The following TCAIM variants were observed in gnomAD, a reference collection of about 807,000 sequenced individuals.
TCAIM encodes T-cell activation inhibitor, mitochondrial.
In TCAIM, 36 loss-of-function variants were observed where a neutral mutation model predicts 58.6. That is an observed-to-expected ratio of 0.61 (90% CI 0.47 to 0.81). The LOEUF (loss-of-function observed/expected upper bound fraction) is 0.81. TCAIM is among the 30% of genes least tolerant of loss of function. The pLI, the probability that TCAIM is intolerant of heterozygous loss-of-function variation, is 0.00. For missense variants in TCAIM, 466 were observed against 579.6 expected (o/e 0.80, Z 2.01); for synonymous variants, 172 against 193.6 (o/e 0.89, Z 0.93).
At chr3:44,353,655 A>C (rs2125630262) in intron 1 of TCAIM, among the ~76,000 whole-genome samples, 1 of 152,206 alleles carries the variant, frequency 6.6e-6, no homozygotes, top group East Asian at 1.9e-4. Flanking sequence ...CACTTATTTT[A>C]ATTTGCAGTT....
At chr3:44,394,357 C>T (rs1701888079) in intron 6 of TCAIM, among the ~76,000 whole-genome samples, 1 of 152,042 alleles carries the variant, frequency 6.6e-6, no homozygotes, top group Non-Finnish European at 1.5e-5. Flanking sequence ...GGGGTTTCTT[C>T]CCATTCCATA....
At chr3:44,390,743 G>A (rs966494114) in intron 5 of TCAIM, among the ~76,000 whole-genome samples, 2 of 152,218 alleles carry the variant, frequency 1.3e-5, no homozygotes, top group African/African-American at 4.8e-5. Flanking sequence ...GGTCGAGGCA[G>A]GAGGATCACT....
intron 1 of TCAIM, among the ~76,000 whole-genome samples, chr3:44,345,317 T>C (rs1700944261): frequency 6.6e-6 from 1 of 151,712 alleles, no homozygotes; most frequent in African/African-American, 2.4e-5. Context: ...AGACGCAAGG[T>C]CCAAATAAGA....
intron 4 of TCAIM, among the ~76,000 whole-genome samples, chr3:44,364,302 A>C (rs577242080): frequency 6.6e-6 from 1 of 152,282 alleles, no homozygotes; most frequent in South Asian, 2.1e-4. Flanking sequence ...GAAAAGATAT[A>C]GCATATATGA....
intron 10 of TCAIM, among the ~76,000 whole-genome samples, chr3:44,405,396 G>A (rs1257801663): frequency 1.3e-5 from 2 of 152,180 alleles, no homozygotes; most frequent in African/African-American, 4.8e-5. Flanking sequence ...CTAAAGGGTG[G>A]GCATGGTGGC....
intron 3 of TCAIM, 148 bp from the exon 4 acceptor site, chr3:44,361,217 A>G (rs1321384379): frequency 1.6e-6 from 1 of 636,254 alleles, no homozygotes; most frequent in Non-Finnish European, 2.4e-6. Context: ...ATCCAATTTT[A>G]TCTTTTACCA....
chr3:44,339,250 C>T (rs1435188093), intron 1 of TCAIM, among the ~76,000 whole-genome samples: 1 of 152,146 alleles, frequency 6.6e-6, no homozygotes, highest in Non-Finnish European at 1.5e-5. Flanking sequence ...GCTTTTGTCC[C>T]TCCTTGATAT....
At chr3:44,358,250 G>T in intron 3 of TCAIM, 1 of 1,453,740 alleles carries the variant, frequency 6.9e-7, no homozygotes, top group Non-Finnish European at 9.5e-7. Flanking sequence ...ATGCCCTAGT[G>T]ATTTTTCCTT....
chr3:44,348,723 A>G (rs1381123312), intron 1 of TCAIM, among the ~76,000 whole-genome samples: 1 of 152,202 alleles, frequency 6.6e-6, no homozygotes, highest in Non-Finnish European at 1.5e-5. Flanking sequence ...TGGGTAATAA[A>G]ATGCATATTG....
chr3:44,354,330 T>C (rs918609437), intron 1 of TCAIM, among the ~76,000 whole-genome samples: 5 of 152,232 alleles, frequency 3.3e-5, no homozygotes, highest in Non-Finnish European at 5.9e-5. Context: ...GAGTGAGTCT[T>C]GAAATAAAGT....
In TCAIM at chr3:44,401,339, GT is replaced by G; in HGVS notation, c.1250+6del. ...GAACATGAAAAGAAAGGAAGAGTAA[GT>G]ACTGCCAGTCTTCTGTAAAGTCAGA... is the stretch of plus-strand genomic sequence containing the variant. On this transcript the variant is annotated splice_donor_region_variant and intron_variant, in intron 10 of 10. Coordinates refer to ENST00000342649, the MANE Select transcript of TCAIM (RefSeq NM_173826.4). 1 of 1,613,536 alleles carries G rather than the reference GT, an allele frequency of 6.2e-7. No homozygotes were observed. The highest frequency in any genetic ancestry group is 8.5e-7 in the Non-Finnish European group (1 of 1,179,824).
chr3:44,349,259 C>T (rs1321374548), intron 1 of TCAIM, among the ~76,000 whole-genome samples: 1 of 152,186 alleles, frequency 6.6e-6, no homozygotes, highest in Non-Finnish European at 1.5e-5. Context: ...GCCTGGACAT[C>T]AGACATCTCA....
chr3:44,366,746 A>G (rs1026777485), intron 4 of TCAIM, among the ~76,000 whole-genome samples: 3 of 151,258 alleles, frequency 2.0e-5, no homozygotes, highest in African/African-American at 4.9e-5. Context: ...GATTACAGGC[A>G]TGAGCCACCG....
At chr3:44,356,296 G>A (rs2125631778) in intron 2 of TCAIM, among the ~76,000 whole-genome samples, 1 of 152,348 alleles carries the variant, frequency 6.6e-6, no homozygotes, top group Non-Finnish European at 1.5e-5. Flanking sequence ...GGAGGCCGAG[G>A]CGGGCAGAGC....
chr3:44,401,466 A>G, intron 10 of TCAIM, 132 bp downstream of exon 10: 2 of 1,142,838 alleles, frequency 1.8e-6, no homozygotes, highest in Non-Finnish European at 2.4e-6. Flanking sequence ...TAGATATTCC[A>G]TATTTATTTC....
chr3:44,396,981 C>CAAAAA lies in TCAIM; in HGVS notation c.885+148_885+149insAAAAA, dbSNP rs1161273141. ...TTTTAATCGCAGTATCAGCTGTTTTCAGATCAGATGCTTAAATACCATGTA... is the reference window on the plus strand; with the variant it reads ...TTTTAATCGCAGTATCAGCTGTTTTCAAAAAAGATCAGATGCTTAAATACCATGTA... On this transcript the variant is annotated intron_variant, in intron 8 of 10. Coordinates refer to ENST00000342649, the MANE Select transcript of TCAIM (RefSeq NM_173826.4). 35 of 691,886 alleles carry CAAAAA rather than the reference C, an allele frequency of 5.1e-5. No individual in the cohort carries two copies. In the African/African-American group the frequency reaches 5.9e-4, roughly 12 times the overall value. The allele number at this position is 691,886 out of a possible 1,614,324, so 42.9% of individuals were successfully genotyped here.
At chr3:44,345,391 A>T (rs1336090834) in intron 1 of TCAIM, among the ~76,000 whole-genome samples, 2 of 152,202 alleles carry the variant, frequency 1.3e-5, no homozygotes, top group Admixed American at 6.5e-5. Flanking sequence ...CCAACTAGAG[A>T]GTGCCCAAGG....
At chr3:44,380,572 A>G (rs142023556) in intron 5 of TCAIM, among the ~76,000 whole-genome samples, 8 of 152,296 alleles carry the variant, frequency 5.3e-5, no homozygotes. Context: ...ATCTAACTGT[A>G]CACCTTATGG....
At chr3:44,379,766 G>T (rs1268154773) in intron 5 of TCAIM, among the ~76,000 whole-genome samples, 1 of 152,000 alleles carries the variant, frequency 6.6e-6, no homozygotes, top group Non-Finnish European at 1.5e-5. Flanking sequence ...TAACTATCAG[G>T]TGCTACACTC....
Sources: allele counts gnomAD v4.1 joint callset (sites outside exome capture counted in the v4.1 genomes callset), GRCh38; gene constraint gnomAD v4.1.1; transcripts MANE v1.5; gene names NCBI Gene and HGNC (gene_info 2026-07-23, HGNC 2026-07-21).